Variants in NAA25 observed in about 807,000 individuals in gnomAD.
The protein encoded by NAA25 is N-terminal acetyltransferase B complex subunit NAA25.
Under a neutral mutation model 132.5 loss-of-function variants are expected in NAA25, and 30 were observed. The observed-to-expected ratio is 0.23, with a 90% CI of 0.17 to 0.31. The LOEUF is 0.31. NAA25 is among the 10% of genes least tolerant of loss of function. The pLI is 1.00. For synonymous variants in NAA25, 359 were observed against 401.9 expected, an observed-to-expected ratio of 0.89 and a Z score of 1.28; for missense variants, 771 against 1,150.4, an observed-to-expected ratio of 0.67 and a Z score of 4.77.
At position 112,083,553 on chromosome 12, in the gene NAA25, G is replaced by A. The variant is rs4767362; in HGVS notation, c.403-2419C>T. On this transcript the variant is annotated intron_variant, in intron 4 of 23. Coordinates refer to ENST00000261745, the MANE Select transcript of NAA25 (RefSeq NM_024953.4). Reference sequence around the variant, plus strand: ...AAAGAAAAAAAAAAGATACAGCAGCGGCAGAATAAACATGATCTAGAGACG... The same window carrying A: ...AAAGAAAAAAAAAAGATACAGCAGCAGCAGAATAAACATGATCTAGAGACG... Among the ~76,000 whole-genome samples the A allele has an allele frequency of 0.056, 8,435 of 151,740 alleles. 1,299 individuals are homozygous for A. The East Asian group carries it at 0.61, about 11-fold the overall frequency.
chr12:112,054,516 GGTTAAT>G lies in NAA25; in HGVS notation c.1494_1499del (p.Leu499_Thr500del). The G allele has an allele frequency of 6.2e-7, 1 of 1,614,082 alleles. No individual in the cohort carries two copies. Among genetic ancestry groups the G allele is most frequent in the Non-Finnish European group, 8.5e-7 (1 of 1,180,016 alleles). On this transcript the variant is annotated inframe_deletion, in exon 14 of 24. Transcript: ENST00000261745. ...TGAACTGAGCATTGGAAGGGCTATG[GGTTAAT>G]CCCTCTTCCAGCAAAGTCAGGGCCT... is the stretch of plus-strand genomic sequence containing the variant.
chr12:112,057,441 T>C (rs1246709892), intron 13 of NAA25, among the ~76,000 whole-genome samples: 2 of 152,200 alleles, frequency 1.3e-5, no homozygotes, highest in Non-Finnish European at 2.9e-5. Context: ...ATCAGTTCAT[T>C]AATGTTTTCA....
chr12:112,076,247 C>T (rs908922096), intron 7 of NAA25, among the ~76,000 whole-genome samples: 1 of 152,154 alleles, frequency 6.6e-6, no homozygotes, highest in Admixed American at 6.6e-5. Context: ...CAAACTACTA[C>T]TATCTTATTA....
intron 11 of NAA25, among the ~76,000 whole-genome samples, chr12:112,065,961 T>A (rs1209618092): frequency 6.6e-6 from 1 of 152,156 alleles, no homozygotes; most frequent in African/African-American, 2.4e-5. Flanking sequence ...CAAAATTACC[T>A]CTCTCAAGTA....
intron 12 of NAA25, 69 bp from the exon 13 acceptor site, chr12:112,060,428 A>T (rs2078610574): frequency 9.6e-7 from 1 of 1,040,126 alleles, no homozygotes; most frequent in Non-Finnish European, 1.5e-6. Flanking sequence ...AGGAGTTTTT[A>T]AAAGCAGGAA....
At chr12:112,046,975 A>G (rs2078391102) in intron 17 of NAA25, among the ~76,000 whole-genome samples, 1 of 152,178 alleles carries the variant, frequency 6.6e-6, no homozygotes, top group African/African-American at 2.4e-5. Context: ...CTATTTAAAA[A>G]TATTTTCTAT....
intron 1 of NAA25, among the ~76,000 whole-genome samples, chr12:112,103,042 A>AGTAGCACAATCTCAGCTCACT (rs1482283684): frequency 6.6e-6 from 1 of 152,000 alleles, no homozygotes; most frequent in Non-Finnish European, 1.5e-5. Context: ...GCTGGAGTAC[A>AGTAGCACAATCTCAGCTCACT]GTAGCACAAT....
Position 112,071,768 on chromosome 12 carries a change from T to A in NAA25, c.1036+127A>T, listed in dbSNP as rs191415223. 687 of 620,896 alleles carry A rather than the reference T, an allele frequency of 1.1e-3. 4 individuals are homozygous for A. The highest frequency in any genetic ancestry group is 7.5e-3 in the Admixed American group (198 of 26,490). The allele number at this position is 620,896 out of a possible 1,614,324, so 38.5% of individuals were successfully genotyped here. A position where few individuals can be genotyped will look rare whatever the true frequency, so the allele number is the denominator to read the frequency against. ...TATAAGTGATCCATTCATTAGCAAA[T>A]ATTTTCAGGCTATGAAGACATCTGC... On this transcript the variant is annotated intron_variant, in intron 10 of 23. Coordinates refer to ENST00000261745, the MANE Select transcript of NAA25 (RefSeq NM_024953.4).
intron 23 of NAA25, 29 bp from the exon 24 acceptor site, chr12:112,029,682 T>C: frequency 6.2e-7 from 1 of 1,602,990 alleles, no homozygotes; most frequent in South Asian, 1.1e-5. Context: ...GAATAATTAG[T>C]CTTGTTTAAA....
intron 15 of NAA25, 121 bp from the exon 16 acceptor site, chr12:112,048,564 G>C: frequency 1.3e-6 from 1 of 786,452 alleles, no homozygotes; most frequent in Non-Finnish European, 2.0e-6. Context: ...ATCTTTAAAG[G>C]TCTTGGTCAC....
intron 4 of NAA25, 21 bp downstream of exon 4, chr12:112,087,662 T>A: frequency 6.5e-7 from 1 of 1,538,264 alleles, no homozygotes; most frequent in Non-Finnish European, 9.0e-7. Context: ...CATAGCCCAG[T>A]AGGTTTGGGG....
chr12:112,070,081 C>T (rs1166643559), intron 10 of NAA25, among the ~76,000 whole-genome samples: 1 of 152,086 alleles, frequency 6.6e-6, no homozygotes, highest in African/African-American at 2.4e-5. Context: ...TGAGTGGAGA[C>T]TACACCACTA....
intron 1 of NAA25, among the ~76,000 whole-genome samples, chr12:112,106,782 A>G (rs941642617): frequency 2.0e-5 from 3 of 151,566 alleles, no homozygotes. Context: ...GACGAAACCC[A>G]TTCTCTACAA....
At chr12:112,083,693 C>T (rs933543783) in intron 4 of NAA25, among the ~76,000 whole-genome samples, 1 of 152,036 alleles carries the variant, frequency 6.6e-6, no homozygotes, top group African/African-American at 2.4e-5. Context: ...TCCATTGATC[C>T]CTGGGAAGAT....
At chr12:112,080,450 T>C (rs756752382) in intron 5 of NAA25, among the ~76,000 whole-genome samples, 3 of 151,958 alleles carry the variant, frequency 2.0e-5, no homozygotes, top group East Asian at 3.9e-4. Context: ...GGCAGAAGGA[T>C]TGCTTGAGGC....
At chr12:112,032,064 C>T (rs1314183340) in intron 23 of NAA25, among the ~76,000 whole-genome samples, 1 of 151,606 alleles carries the variant, frequency 6.6e-6, no homozygotes. Context: ...CTGGGGTTCA[C>T]AACATTCCCC....
intron 11 of NAA25, among the ~76,000 whole-genome samples, chr12:112,067,094 G>A (rs191323913): frequency 2.0e-5 from 3 of 152,206 alleles, no homozygotes; most frequent in Non-Finnish European, 4.4e-5. Context: ...CAGCTACTTG[G>A]GAGGCTGAGG....
At chr12:112,086,690 A>G (rs1372308957) in intron 4 of NAA25, among the ~76,000 whole-genome samples, 1 of 152,110 alleles carries the variant, frequency 6.6e-6, no homozygotes, top group Non-Finnish European at 1.5e-5. Context: ...AGAAGATATT[A>G]TACCCACAAA....
At chr12:112,033,456 G>A (rs948346689) in intron 22 of NAA25, 77 bp from the exon 23 acceptor site, 27 of 1,341,088 alleles carry the variant, frequency 2.0e-5, no homozygotes, top group Middle Eastern at 2.6e-4. Flanking sequence ...GCTACTGAAA[G>A]ATGTGAGGGA....
Sources: gnomAD v4.1 joint callset for allele counts (sites outside exome capture counted in the v4.1 genomes callset) on GRCh38, gnomAD v4.1.1 for gene constraint, MANE v1.5 for transcripts, NCBI Gene and HGNC (gene_info 2026-07-23, HGNC 2026-07-21) for gene names.